SKA1: variants seen among roughly 807,000 people sequenced by gnomAD.
The protein encoded by SKA1 is spindle and kinetochore associated complex subunit 1.
SKA1 carries 20 observed loss-of-function variants against 31.8 expected under a neutral mutation model. The ratio of observed to expected loss-of-function variants is 0.63; its 90% confidence interval spans 0.44 to 0.91. The LOEUF (loss-of-function observed/expected upper bound fraction) is 0.91, where lower values mean the gene tolerates loss of function less well. SKA1 is among the 40% of genes least tolerant of loss of function. SKA1 has a pLI of 0.00. For missense variants in SKA1, 253 were observed against 298.2 expected (o/e 0.85, Z 1.12); for synonymous variants, 88 against 100.5 (o/e 0.88, Z 0.74).
chr18:50,375,795 AAT>A (rs761189391), intron 1 of SKA1, 23 bp from the exon 2 acceptor site: 7 of 1,404,518 alleles, frequency 5.0e-6, no homozygotes, highest in Non-Finnish European at 6.9e-6. Flanking sequence ...TCTTGTTACG[AAT>A]ATGTTTATGT....
chr18:50,383,788 A>T (rs1335306773), intron 4 of SKA1, among the ~76,000 whole-genome samples: 5 of 152,262 alleles, frequency 3.3e-5, no homozygotes, highest in African/African-American at 1.2e-4. Flanking sequence ...GGCATAAGGG[A>T]GCCAATCAGG....
Position 50,385,288 on chromosome 18 carries a change from C to T in SKA1, c.384C>T (p.Pro128=). The change falls in exon 5 of 7, where the codon CCC becomes CCT. Residue 128 remains proline (P), a synonymous_variant. Transcript: ENST00000285116. ...AACCTGAACCCGTAAAGAAGCCTCC[C>T]AAAGAGCAAAGAAGTATTAAGGAAA... ...VEEPEPVKKP[P]KEQRSIKEMP... The T allele has an allele frequency of 1.2e-6, 2 of 1,613,352 alleles. No individual in the cohort carries two copies. Among genetic ancestry groups the T allele is most frequent in the East Asian group, 2.2e-5 (1 of 44,758 alleles).
intron 3 of SKA1, 130 bp downstream of exon 3, chr18:50,380,380 A>T: frequency 9.8e-7 from 1 of 1,015,516 alleles, no homozygotes. Context: ...ACAGTATGCC[A>T]TTTATGTTTT....
chr18:50,378,448 A>G (rs1045454849), intron 2 of SKA1, among the ~76,000 whole-genome samples: 3 of 152,192 alleles, frequency 2.0e-5, no homozygotes, highest in Admixed American at 2.0e-4. Flanking sequence ...AGGCCAAGGC[A>G]GGCGGATCGC....
At chr18:50,379,908 G>A (rs1462066787) in intron 2 of SKA1, among the ~76,000 whole-genome samples, 1 of 152,164 alleles carries the variant, frequency 6.6e-6, no homozygotes, top group African/African-American at 2.4e-5. Context: ...AAAGACGCAG[G>A]AGAGACATTG....
At chr18:50,389,339 G>T (rs1164145062) in intron 5 of SKA1, among the ~76,000 whole-genome samples, 2 of 150,752 alleles carry the variant, frequency 1.3e-5, no homozygotes, top group African/African-American at 4.9e-5. Flanking sequence ...CTTTTTCTGG[G>T]GGGGAGAGGG....
At chr18:50,387,594 C>T (rs1346186746) in intron 5 of SKA1, among the ~76,000 whole-genome samples, 3 of 152,220 alleles carry the variant, frequency 2.0e-5, no homozygotes, top group Non-Finnish European at 2.9e-5. Flanking sequence ...TATCTATTGA[C>T]GTTATCTATT....
At chr18:50,382,029 T>G in intron 3 of SKA1, 100 bp from the exon 4 acceptor site, 1 of 744,536 alleles carries the variant, frequency 1.3e-6, no homozygotes, top group Admixed American at 3.7e-5. Flanking sequence ...CCAGCCACAG[T>G]CACTGTGATT....
intron 3 of SKA1, among the ~76,000 whole-genome samples, chr18:50,381,617 G>T (rs961324323): frequency 2.6e-5 from 4 of 151,522 alleles, no homozygotes; most frequent in African/African-American, 4.9e-5. Flanking sequence ...ATCCAGTAGA[G>T]AAAAATATTA....
chr18:50,390,665 T>TGTTGCCCTTCATCTTC (rs1182260681), intron 5 of SKA1, among the ~76,000 whole-genome samples: 1 of 152,248 alleles, frequency 6.6e-6, no homozygotes, highest in East Asian at 1.9e-4. Flanking sequence ...TGGTCTTCTT[T>TGTTGCCCTTCATCTTC]GTTGCCCTTC....
chr18:50,384,208 G>A (rs1396134278), intron 4 of SKA1, among the ~76,000 whole-genome samples: 1 of 152,154 alleles, frequency 6.6e-6, no homozygotes, highest in Admixed American at 6.5e-5. Flanking sequence ...AGATAAGATA[G>A]GGTATAGCTT....
intron 2 of SKA1, 46 bp from the exon 3 acceptor site, chr18:50,380,080 G>T: frequency 6.9e-7 from 1 of 1,440,404 alleles, no homozygotes. Flanking sequence ...TATAGCTACT[G>T]CTTTTCTATA....
At chr18:50,377,335 G>A (rs2041226698) in intron 2 of SKA1, among the ~76,000 whole-genome samples, 2 of 152,084 alleles carry the variant, frequency 1.3e-5, no homozygotes, top group South Asian at 4.1e-4. Flanking sequence ...ATGGTCCATT[G>A]TTGACTGAAT....
intron 3 of SKA1, 59 bp downstream of exon 3, chr18:50,380,309 A>T: frequency 1.4e-6 from 2 of 1,462,150 alleles, no homozygotes; most frequent in Non-Finnish European, 1.8e-6. Context: ...CTCCCTAATC[A>T]TTAAGTAATT....
In SKA1 at chr18:50,394,002, G is replaced by C. The variant is rs542057201; in HGVS notation, c.*1755G>C. 1.3e-5 allele frequency: 2 copies of C among 152,294 alleles called. No individual in the cohort carries two copies. Among genetic ancestry groups the C allele is most frequent in the Non-Finnish European group, 1.5e-5 (1 of 68,038 alleles). 9.4% of individuals were successfully genotyped at this position (152,294 alleles called of 1,614,324 possible). Reference sequence around the variant, plus strand: ...AACTATGGAGTTCAGGGAGCTTCAGGGTTGGCAAACATTTTGATGTGCCAG... The same window carrying C: ...AACTATGGAGTTCAGGGAGCTTCAGCGTTGGCAAACATTTTGATGTGCCAG... On this transcript the variant is annotated 3_prime_UTR_variant, in exon 7 of 7. Transcript: ENST00000285116.
intron 2 of SKA1, 24 bp downstream of exon 2, chr18:50,375,942 C>T: frequency 7.1e-7 from 1 of 1,408,708 alleles, no homozygotes; most frequent in Non-Finnish European, 9.9e-7. Flanking sequence ...ATTCCACTGA[C>T]TTTGTATATA....
chr18:50,384,320 C>G (rs2041284784), intron 4 of SKA1, among the ~76,000 whole-genome samples: 2 of 152,112 alleles, frequency 1.3e-5, no homozygotes, highest in Non-Finnish European at 2.9e-5. Flanking sequence ...CCTACTGTTT[C>G]TTATATCTGG....
At chr18:50,392,016 C>A in intron 6 of SKA1, 83 bp from the exon 7 acceptor site, 1 of 1,040,214 alleles carries the variant, frequency 9.6e-7, no homozygotes, top group Non-Finnish European at 1.4e-6. Flanking sequence ...CGACTAATAC[C>A]ATTCATATTC....
chr18:50,381,760 C>G (rs1360928112), intron 3 of SKA1, among the ~76,000 whole-genome samples: 10 of 125,546 alleles, frequency 8.0e-5, no homozygotes, highest in Non-Finnish European at 1.4e-4. Context: ...GAGCCTTTCT[C>G]TGTCGCCCAG....
Sources: allele counts gnomAD v4.1 joint callset (sites outside exome capture counted in the v4.1 genomes callset), GRCh38; gene constraint gnomAD v4.1.1; transcripts MANE v1.5; gene names NCBI Gene and HGNC (gene_info 2026-07-23, HGNC 2026-07-21).